Variants in PITPNC1 observed in about 807,000 individuals in gnomAD.
PITPNC1 encodes the protein cytoplasmic phosphatidylinositol transfer protein 1.
Under a neutral mutation model 44.7 loss-of-function variants are expected in PITPNC1, and 18 were observed. The ratio of observed to expected loss-of-function variants is 0.40; its 90% CI spans 0.28 to 0.60. The LOEUF (loss-of-function observed/expected upper bound fraction) is 0.60, where lower values mean the gene tolerates loss of function less well. Ranked by LOEUF, PITPNC1 falls within the 20% of genes least tolerant of loss-of-function variation. The pLI is 0.39. For synonymous variants in PITPNC1, 141 were observed against 149.6 expected, an observed-to-expected ratio of 0.94 and a Z score of 0.42; for missense variants, 290 against 418.4, an observed-to-expected ratio of 0.69 and a Z score of 2.68.
chr17:67,388,258 T>C (rs1022689175), intron 1 of PITPNC1, among the ~76,000 whole-genome samples: 29 of 152,150 alleles, frequency 1.9e-4, no homozygotes, highest in Admixed American at 6.6e-4. Flanking sequence ...TTAGGAGTTA[T>C]TGCCGTCAGA....
intron 4 of PITPNC1, among the ~76,000 whole-genome samples, chr17:67,558,374 G>T (rs906991950): frequency 6.6e-6 from 1 of 152,090 alleles, no homozygotes; most frequent in Non-Finnish European, 1.5e-5. Context: ...TTCCAAACTG[G>T]TGGGTTCTTC....
rs2144267382 is a variant in PITPNC1, at chr17:67,597,931, TAGAG to T, written c.366+19677_366+19680del. On this transcript the variant is annotated intron_variant, in intron 5 of 8. Transcript: ENST00000581322. The surrounding 1 kb of genome is among the most constrained non-coding windows in gnomAD (Gnocchi z 4.0). ...AGATTTAAAGCAGTGACAGTAGAAA[TAGAG>T]AGGAGACGCTGGGTGCGGTGGCTCA... Among the ~76,000 whole-genome samples the T allele has an allele frequency of 6.6e-6, 1 of 152,006 alleles. No homozygotes were observed. The highest frequency in any genetic ancestry group is 1.9e-4 in the East Asian group (1 of 5,152).
intron 1 of PITPNC1, among the ~76,000 whole-genome samples, chr17:67,486,298 G>T (rs547381305): frequency 6.6e-6 from 1 of 152,130 alleles, no homozygotes; most frequent in African/African-American, 2.4e-5. Context: ...ATTGATGGTG[G>T]TGTTTTCATG....
At chr17:67,657,847 G>A (rs560804536) in intron 6 of PITPNC1, among the ~76,000 whole-genome samples, 13 of 152,256 alleles carry the variant, frequency 8.5e-5, no homozygotes, top group Non-Finnish European at 1.9e-4. Context: ...TGTCAGTCCC[G>A]ACAATTCTCA....
chr17:67,525,312 TAATA>T (rs1159385059), intron 1 of PITPNC1: 1 of 152,226 alleles, frequency 6.6e-6, no homozygotes, highest in African/African-American at 2.4e-5. Flanking sequence ...AAGGGCCAGA[TAATA>T]AATATTTTCA....
intron 1 of PITPNC1, among the ~76,000 whole-genome samples, chr17:67,517,885 T>A (rs1019147634): frequency 1.6e-4 from 24 of 152,162 alleles, no homozygotes; most frequent in South Asian, 4.1e-4. Flanking sequence ...CATATTTTTT[T>A]TAAAAAAGTA....
chr17:67,425,193 GCACGCACACGCA>G lies in PITPNC1; in HGVS notation c.48+46995_48+47006del, dbSNP rs1211403913. 1.3e-4 allele frequency among the ~76,000 whole-genome samples: 7 copies of G among 52,118 alleles called. 1 individual carries two copies. Among genetic ancestry groups the G allele is most frequent in the Admixed American group, 4.0e-4 (2 of 4,980 alleles). 34.2% of individuals were successfully genotyped at this position (52,118 alleles called of 152,430 possible). A position where few individuals can be genotyped will look rare whatever the true frequency, so the allele number is the denominator to read the frequency against. On this transcript the variant is annotated intron_variant, in intron 1 of 8. Transcript: ENST00000581322. ...AAATAAACAGCCATGTTGTGCGCGC[GCACGCACACGCA>G]CACACACACACACACACACACACAC...
chr17:67,413,218 G>T (rs1290589167), intron 1 of PITPNC1, among the ~76,000 whole-genome samples: 1 of 152,050 alleles, frequency 6.6e-6, no homozygotes, highest in Non-Finnish European at 1.5e-5. Flanking sequence ...TCGTTCTGAG[G>T]ATAGCACAAA....
At chr17:67,598,759 G>C (rs1337738625) in intron 5 of PITPNC1, among the ~76,000 whole-genome samples, 1 of 151,744 alleles carries the variant, frequency 6.6e-6, no homozygotes, top group African/African-American at 2.4e-5. Context: ...TGGGCATGGT[G>C]GTGGGCACCT....
chr17:67,600,871 A>G (rs1194120456), intron 5 of PITPNC1, among the ~76,000 whole-genome samples: 1 of 151,978 alleles, frequency 6.6e-6, no homozygotes, highest in African/African-American at 2.4e-5. Flanking sequence ...AGAATTTTCT[A>G]GAATTGAAGA....
chr17:67,620,049 A>G (rs1414205097), intron 5 of PITPNC1, among the ~76,000 whole-genome samples: 1 of 151,460 alleles, frequency 6.6e-6, no homozygotes, highest in African/African-American at 2.4e-5. Context: ...CCCTTTATTT[A>G]TTTGTTTTTG....
chr17:67,676,338 T>C lies in PITPNC1; in HGVS notation c.682+796T>C, dbSNP rs1476549069. Among the ~76,000 whole-genome samples, 1 of 152,204 alleles carries C rather than the reference T, an allele frequency of 6.6e-6. No homozygotes were observed. The highest frequency in any genetic ancestry group is 1.5e-5 in the Non-Finnish European group (1 of 68,042). Reference sequence around the variant, plus strand: ...TGAAACTATTGTTCTGGCTTTTTTTTCATGATCTGGGAAGAGTTAAACAAT... The same window carrying C: ...TGAAACTATTGTTCTGGCTTTTTTTCCATGATCTGGGAAGAGTTAAACAAT... On this transcript the variant is annotated intron_variant, in intron 8 of 8. Coordinates refer to ENST00000581322, the MANE Select transcript of PITPNC1 (RefSeq NM_012417.4). The surrounding 1 kb of genome is among the most constrained non-coding windows in gnomAD (Gnocchi z 4.0).
At chr17:67,381,247 G>T (rs1385807289) in intron 1 of PITPNC1, among the ~76,000 whole-genome samples, 1 of 146,644 alleles carries the variant, frequency 6.8e-6, no homozygotes, top group African/African-American at 2.5e-5. Flanking sequence ...AGAATGGCGT[G>T]AACCTGGGAG....
rs140958547 is a variant in PITPNC1, at chr17:67,691,119, A to G, written c.683-1453A>G. 3.6e-3 allele frequency among the ~76,000 whole-genome samples: 547 copies of G among 152,122 alleles called. 1 individual carries two copies. Among genetic ancestry groups the G allele is most frequent in the African/African-American group, 0.013 (519 of 41,502 alleles). ...CTCTATCTCAAATAAATAAATAAAT[A>G]AATAAATAAATAATAACAGTAATAA... On this transcript the variant is annotated intron_variant, in intron 8 of 8. Coordinates refer to ENST00000581322, the MANE Select transcript of PITPNC1 (RefSeq NM_012417.4).
At chr17:67,637,863 T>A (rs1279677381) in intron 6 of PITPNC1, 1 of 75,668 alleles carries the variant, frequency 1.3e-5, no homozygotes, top group Non-Finnish European at 2.3e-5. Flanking sequence ...AGTGCCGTAT[T>A]GTGGGGTGGG....
At chr17:67,426,736 T>TA (rs2038772168) in intron 1 of PITPNC1, among the ~76,000 whole-genome samples, 1 of 150,894 alleles carries the variant, frequency 6.6e-6, no homozygotes, top group African/African-American at 2.4e-5. Context: ...AAAATAAAAA[T>TA]AAAAAATAAA....
intron 1 of PITPNC1, among the ~76,000 whole-genome samples, chr17:67,401,204 G>T (rs1157545180): frequency 6.6e-6 from 1 of 152,070 alleles, no homozygotes; most frequent in Non-Finnish European, 1.5e-5. Context: ...CAAAATGCTG[G>T]GATTACAGGC....
At chr17:67,462,805 C>T (rs901112401) in intron 1 of PITPNC1, among the ~76,000 whole-genome samples, 10 of 149,836 alleles carry the variant, frequency 6.7e-5, no homozygotes, top group African/African-American at 9.9e-5. Flanking sequence ...TGGGTTCAAG[C>T]GATTCTCCTG....
At chr17:67,379,171 C>T (rs753207197) in intron 1 of PITPNC1, 6 of 985,708 alleles carry the variant, frequency 6.1e-6, no homozygotes, top group African/African-American at 1.7e-5. Context: ...AGCAAGGCAA[C>T]GTGAAACTCA....
Sources: gnomAD v4.1 joint callset for allele counts (sites outside exome capture counted in the v4.1 genomes callset) on GRCh38, gnomAD v4.1.1 for gene constraint, Gnocchi (gnomAD v3.1) non-coding constraint, MANE v1.5 for transcripts, NCBI Gene and HGNC (gene_info 2026-07-23, HGNC 2026-07-21) for gene names.